CDH8: variants seen among roughly 807,000 people sequenced by gnomAD.
CDH8 encodes the protein cadherin-8.
A neutral mutation model predicts 68.1 loss-of-function variants in CDH8; 17 were observed. The observed-to-expected ratio is 0.25, with a 90% CI of 0.17 to 0.37. The LOEUF (loss-of-function observed/expected upper bound fraction) is 0.37, where lower values mean the gene tolerates loss of function less well. CDH8 is among the 10% of genes least tolerant of loss of function. The pLI, the probability that CDH8 is intolerant of heterozygous loss-of-function variation, is 1.00. For missense variants in CDH8, 763 were observed against 999.3 expected (o/e 0.76, Z 3.19); for synonymous variants, 372 against 365.1 (o/e 1.02, Z -0.21).
chr16:61,785,115 C>CA (rs1410305775), intron 8 of CDH8, among the ~76,000 whole-genome samples: 2 of 139,798 alleles, frequency 1.4e-5, no homozygotes, highest in Non-Finnish European at 3.1e-5. Context: ...AATAGAGACA[C>CA]AAAAAACCCT....
At chr16:61,756,602 C>T (rs1960326287) in intron 8 of CDH8, among the ~76,000 whole-genome samples, 1 of 152,096 alleles carries the variant, frequency 6.6e-6, no homozygotes, top group Admixed American at 6.6e-5. Context: ...TTATGTGGTA[C>T]TATCATATTT....
At chr16:61,665,641 T>C (rs1212868152) in intron 10 of CDH8, among the ~76,000 whole-genome samples, 1 of 151,768 alleles carries the variant, frequency 6.6e-6, no homozygotes, top group Non-Finnish European at 1.5e-5. Context: ...TGAACGTTCT[T>C]CACATGTATC....
intron 3 of CDH8, among the ~76,000 whole-genome samples, chr16:61,865,341 T>G (rs1207687430): frequency 6.6e-6 from 1 of 152,222 alleles, no homozygotes; most frequent in African/African-American, 2.4e-5. Flanking sequence ...CATTGTGTTT[T>G]TAGAATGAGC....
chr16:61,950,382 T>C (rs1269737964), intron 2 of CDH8, among the ~76,000 whole-genome samples: 3 of 152,298 alleles, frequency 2.0e-5, no homozygotes, highest in East Asian at 3.9e-4. Flanking sequence ...TTTTACTCTA[T>C]TTACCGGATG....
intron 8 of CDH8, among the ~76,000 whole-genome samples, chr16:61,738,426 T>A (rs1001687375): frequency 6.7e-6 from 1 of 149,798 alleles, no homozygotes; most frequent in Admixed American, 6.6e-5. Context: ...GAATCCTTTC[T>A]CCTCCTCACA....
intron 10 of CDH8, among the ~76,000 whole-genome samples, chr16:61,662,435 T>C (rs540731771): frequency 1.3e-5 from 2 of 151,646 alleles, no homozygotes; most frequent in Middle Eastern, 3.4e-3. Context: ...AAAAAATATA[T>C]GAAAAAAGAG....
chr16:62,013,540 T>C (rs1251629450), intron 2 of CDH8, among the ~76,000 whole-genome samples: 1 of 152,198 alleles, frequency 6.6e-6, no homozygotes, highest in Non-Finnish European at 1.5e-5. Flanking sequence ...AACAGATATA[T>C]GCCAGGCACT....
chr16:61,930,393 C>A (rs1165414494), intron 2 of CDH8, among the ~76,000 whole-genome samples: 1 of 151,962 alleles, frequency 6.6e-6, no homozygotes, highest in Admixed American at 6.6e-5. Flanking sequence ...AATTAATGAA[C>A]TGTTGCTAGG....
intron 8 of CDH8, among the ~76,000 whole-genome samples, chr16:61,777,599 A>G (rs1217657133): frequency 6.6e-6 from 1 of 152,146 alleles, no homozygotes. Flanking sequence ...CTTAGACTGG[A>G]AGGAACAAGG....
At chr16:61,965,138 T>C (rs1965225156) in intron 2 of CDH8, among the ~76,000 whole-genome samples, 1 of 152,184 alleles carries the variant, frequency 6.6e-6, no homozygotes, top group East Asian at 1.9e-4. Flanking sequence ...AGAAACAGCA[T>C]GTGAAAATCC....
At chr16:61,790,123 AT>A (rs1271271327) in intron 7 of CDH8, among the ~76,000 whole-genome samples, 1 of 151,966 alleles carries the variant, frequency 6.6e-6, no homozygotes, top group African/African-American at 2.4e-5. Context: ...TAGAATCGAT[AT>A]TTTAACATAT....
chr16:61,767,646 T>C (rs1960627757), intron 8 of CDH8, among the ~76,000 whole-genome samples: 1 of 151,944 alleles, frequency 6.6e-6, no homozygotes. Flanking sequence ...GTCAGTCACC[T>C]TGCTAGGTTC....
At chr16:62,009,363 G>A (rs1901752984) in intron 2 of CDH8, among the ~76,000 whole-genome samples, 1 of 152,090 alleles carries the variant, frequency 6.6e-6, no homozygotes, top group Non-Finnish European at 1.5e-5. Flanking sequence ...AGTTACAAGG[G>A]GCGTCAGGGA....
chr16:61,765,359 A>T lies in CDH8; in HGVS notation c.1414+23987T>A, dbSNP rs144347264. Among the ~76,000 whole-genome samples the T allele has an allele frequency of 4.0e-4, 61 of 152,134 alleles. No individual in the cohort carries two copies. The East Asian group carries it at 8.5e-3, about 21-fold the overall frequency. On this transcript the variant is annotated intron_variant, in intron 8 of 11. Transcript: ENST00000577390. ...TGTCCCCTAAACCCCAGATGAGATT[A>T]TTGTCATTATAGCCATGATTTCAAA...
chr16:61,904,169 A>C (rs1597054593), intron 2 of CDH8, among the ~76,000 whole-genome samples: 1 of 152,296 alleles, frequency 6.6e-6, no homozygotes, highest in African/African-American at 2.4e-5. Flanking sequence ...CCAACTTGAT[A>C]ATATAAGAAA....
intron 8 of CDH8, among the ~76,000 whole-genome samples, chr16:61,749,720 G>A (rs1050303562): frequency 8.6e-5 from 13 of 151,804 alleles, no homozygotes; most frequent in Admixed American, 5.9e-4. Context: ...GTTTTATTTT[G>A]CTCTGAACTT....
chr16:61,845,502 T>TAAAAAA (rs749345691), intron 4 of CDH8, among the ~76,000 whole-genome samples: 8 of 117,726 alleles, frequency 6.8e-5, no homozygotes, highest in African/African-American at 2.5e-4. Flanking sequence ...TCCAGATATG[T>TAAAAAA]AAAAAAAAAA....
chr16:61,647,728 CA>C lies in CDH8; in HGVS notation c.*5879del. The C allele has an allele frequency of 1.5e-6, 1 of 687,274 alleles. No individual in the cohort carries two copies. The highest frequency in any genetic ancestry group is 2.6e-6 in the Non-Finnish European group (1 of 377,676). 42.6% of individuals were successfully genotyped at this position (687,274 alleles called of 1,614,324 possible). On this transcript the variant is annotated 3_prime_UTR_variant, in exon 12 of 12. Transcript: ENST00000577390. The stretch of plus-strand genomic sequence containing the variant: ...TCATAGGATGGCCTGAAGTTCTTTG[CA>C]TGTACAGAAGAAATCCCAAGAAATT...
intron 10 of CDH8, among the ~76,000 whole-genome samples, chr16:61,678,804 C>T (rs1056866378): frequency 1.3e-5 from 2 of 152,110 alleles, no homozygotes; most frequent in Non-Finnish European, 2.9e-5. Context: ...CCCTCCCCTG[C>T]TAATCTTAAG....
Sources: allele counts gnomAD v4.1 joint callset (sites outside exome capture counted in the v4.1 genomes callset), GRCh38; gene constraint gnomAD v4.1.1; transcripts MANE v1.5; gene names NCBI Gene and HGNC (gene_info 2026-07-23, HGNC 2026-07-21).